The following WWOX variants were observed in gnomAD, a reference collection of about 807,000 sequenced individuals.
WWOX encodes WW domain-containing oxidoreductase.
A neutral mutation model predicts 46.2 loss-of-function variants in WWOX; 69 were observed. That is an observed-to-expected ratio of 1.49 (90% CI 1.23 to 1.82). The LOEUF is 1.82. Among genes scored for constraint, WWOX ranks in the 40% most tolerant of loss-of-function variants. WWOX has a pLI of 0.00. For missense variants in WWOX, 919 were observed against 542.6 expected, an observed-to-expected ratio of 1.69 and a Z score of -6.89; for synonymous variants, 359 against 202.6, an observed-to-expected ratio of 1.77 and a Z score of -6.56.
chr16:78,839,937 A>G (rs1330763690), intron 8 of WWOX, among the ~76,000 whole-genome samples: 1 of 152,150 alleles, frequency 6.6e-6, no homozygotes, highest in Non-Finnish European at 1.5e-5. Flanking sequence ...CTAGTTAACC[A>G]TATATTATTA....
chr16:78,389,259 C>G (rs75686631), intron 6 of WWOX, among the ~76,000 whole-genome samples: 59 of 152,302 alleles, frequency 3.9e-4, no homozygotes, highest in African/African-American at 1.3e-3. Flanking sequence ...GACATTTGTT[C>G]GCTGATTTGC....
intron 4 of WWOX, among the ~76,000 whole-genome samples, chr16:78,138,178 C>T (rs1429429783): frequency 6.6e-6 from 1 of 150,740 alleles, no homozygotes; most frequent in Non-Finnish European, 1.5e-5. Context: ...AACGCCAGTC[C>T]CTCTGATAAT....
chr16:78,188,344 C>G (rs538612122), intron 5 of WWOX, among the ~76,000 whole-genome samples: 1 of 152,084 alleles, frequency 6.6e-6, no homozygotes, highest in South Asian at 2.1e-4. Context: ...AAAAAATTAG[C>G]CAATGTGGTG....
At chr16:78,253,254 A>G (rs2151830191) in intron 5 of WWOX, among the ~76,000 whole-genome samples, 1 of 152,326 alleles carries the variant, frequency 6.6e-6, no homozygotes, top group South Asian at 2.1e-4. Context: ...TCCATCATAT[A>G]ACACTTAGCA....
At chr16:79,191,715 C>T (rs2051140565) in intron 8 of WWOX, among the ~76,000 whole-genome samples, 1 of 152,186 alleles carries the variant, frequency 6.6e-6, no homozygotes, top group African/African-American at 2.4e-5. Flanking sequence ...CCTACCCCAA[C>T]CTGGCAAATG....
chr16:78,245,949 C>T (rs982966003), intron 5 of WWOX, among the ~76,000 whole-genome samples: 2 of 152,158 alleles, frequency 1.3e-5, no homozygotes, highest in African/African-American at 4.8e-5. Context: ...CCTCTGTTCT[C>T]GTCCGTTCCA....
At chr16:78,839,658 G>A (rs1386988612) in intron 8 of WWOX, among the ~76,000 whole-genome samples, 1 of 152,120 alleles carries the variant, frequency 6.6e-6, no homozygotes, top group African/African-American at 2.4e-5. Flanking sequence ...TATGGAGGGT[G>A]GGGAGGGGGT....
chr16:78,513,897 C>T (rs1597194385), intron 8 of WWOX, among the ~76,000 whole-genome samples: 1 of 144,856 alleles, frequency 6.9e-6, no homozygotes, highest in African/African-American at 2.8e-5. Context: ...TTCCCACTCC[C>T]CCCCCCCCCA....
At chr16:78,736,649 G>T (rs144797917) in intron 8 of WWOX, among the ~76,000 whole-genome samples, 2 of 152,082 alleles carry the variant, frequency 1.3e-5, no homozygotes, top group African/African-American at 2.4e-5. Context: ...CCAGGCTACA[G>T]TGCAGTTGCG....
chr16:78,322,194 G>C (rs996665755), intron 5 of WWOX, among the ~76,000 whole-genome samples: 16 of 152,214 alleles, frequency 1.1e-4, no homozygotes, highest in Admixed American at 5.9e-4. Flanking sequence ...ATTCGAAAGA[G>C]CAAATGAGCC....
intron 8 of WWOX, chr16:78,890,246 AAAAT>A (rs377700437): frequency 6.6e-6 from 1 of 151,884 alleles, no homozygotes; most frequent in Non-Finnish European, 1.5e-5. Flanking sequence ...GGAAGTTCTG[AAAAT>A]AAATAAAAAG....
Position 78,505,633 on chromosome 16 carries a change from C to G in WWOX, c.1056+72881C>G, listed in dbSNP as rs549696139. On this transcript the variant is annotated intron_variant, in intron 8 of 8. Coordinates refer to ENST00000566780, the MANE Select transcript of WWOX (RefSeq NM_016373.4). ...CAAAAAATCACGCTTCTGGCTTGCT[C>G]CAAACTCAGGAAGTTGCTGGGAAGT... Among the ~76,000 whole-genome samples the G allele has an allele frequency of 3.9e-5, 6 of 152,238 alleles. No individual in the cohort carries two copies. The South Asian group carries it at 1.2e-3, about 32-fold the overall frequency.
intron 7 of WWOX, among the ~76,000 whole-genome samples, chr16:78,430,336 C>T (rs958222296): frequency 6.6e-6 from 1 of 152,038 alleles, no homozygotes; most frequent in Non-Finnish European, 1.5e-5. Flanking sequence ...GGGGACACAG[C>T]CGAACCGTAT....
intron 5 of WWOX, among the ~76,000 whole-genome samples, chr16:78,183,493 C>G (rs909265764): frequency 1.3e-5 from 2 of 152,212 alleles, no homozygotes; most frequent in African/African-American, 4.8e-5. Context: ...CTGCGCCGTT[C>G]TGTAGCAGTG....
At chr16:78,409,032 T>C (rs1014978725) in intron 6 of WWOX, among the ~76,000 whole-genome samples, 5 of 152,198 alleles carry the variant, frequency 3.3e-5, no homozygotes, top group Non-Finnish European at 7.3e-5. Flanking sequence ...TGCCACGTTA[T>C]AAGGCTGCTG....
intron 8 of WWOX, among the ~76,000 whole-genome samples, chr16:79,006,975 C>A (rs2047203388): frequency 6.6e-6 from 1 of 152,170 alleles, no homozygotes; most frequent in Non-Finnish European, 1.5e-5. Context: ...CCACAATCTT[C>A]ATTTCCCTTT....
At chr16:78,594,432 C>G (rs201463267) in intron 8 of WWOX, among the ~76,000 whole-genome samples, 1 of 34,994 alleles carries the variant, frequency 2.9e-5, no homozygotes, top group East Asian at 1.0e-3. Flanking sequence ...AGGAAAGGCC[C>G]CCCCCCCCCC....
intron 8 of WWOX, among the ~76,000 whole-genome samples, chr16:79,098,026 A>G (rs535655264): frequency 4.1e-4 from 63 of 152,320 alleles, no homozygotes; most frequent in African/African-American, 1.5e-3. Flanking sequence ...TGTCTGGAAC[A>G]TTGCCTGTCC....
intron 8 of WWOX, among the ~76,000 whole-genome samples, chr16:78,975,247 C>T (rs186220706): frequency 1.3e-4 from 20 of 152,254 alleles, no homozygotes; most frequent in African/African-American, 4.6e-4. Flanking sequence ...CACTTTTGCA[C>T]CCAGGGAAGG....
Sources: allele counts gnomAD v4.1 joint callset (sites outside exome capture counted in the v4.1 genomes callset), GRCh38; gene constraint gnomAD v4.1.1; transcripts MANE v1.5; gene names NCBI Gene and HGNC (gene_info 2026-07-23, HGNC 2026-07-21).